Variants in EVI5 observed in about 807,000 individuals in gnomAD.
EVI5 encodes the protein ecotropic viral integration site 5.
Under a neutral mutation model 112.0 loss-of-function variants are expected in EVI5, and 73 were observed. The ratio of observed to expected loss-of-function variants is 0.65; its 90% CI spans 0.54 to 0.79. The LOEUF (loss-of-function observed/expected upper bound fraction) is 0.79. EVI5 is among the 30% of genes least tolerant of loss of function. The pLI, the probability that EVI5 is intolerant of heterozygous loss-of-function variation, is 0.00. For missense variants in EVI5, 900 were observed against 968.8 expected, an observed-to-expected ratio of 0.93 and a Z score of 0.94; for synonymous variants, 305 against 319.9, an observed-to-expected ratio of 0.95 and a Z score of 0.50.
At position 92,680,253 on chromosome 1, in the gene EVI5, G is replaced by A. The variant is rs139357707; in HGVS notation, c.1098-3035C>T. 9.9e-5 allele frequency among the ~76,000 whole-genome samples: 15 copies of A among 152,244 alleles called. No homozygotes were observed. The East Asian group carries it at 1.7e-3, about 18-fold the overall frequency. On this transcript the variant is annotated intron_variant, in intron 9 of 19. Transcript: ENST00000684568. ...CTCTGGAGAAATAGCTCATTACTGCGCAGGAGCCAAGAAGGTATAAGTTGA... is the reference window on the plus strand; with the variant it reads ...CTCTGGAGAAATAGCTCATTACTGCACAGGAGCCAAGAAGGTATAAGTTGA...
At chr1:92,547,555 C>T (rs1426313690) in intron 19 of EVI5, among the ~76,000 whole-genome samples, 1 of 152,080 alleles carries the variant, frequency 6.6e-6, no homozygotes, top group Admixed American at 6.6e-5. Flanking sequence ...TCAATGAATC[C>T]AGGAGCTGTT....
At chr1:92,738,215 C>G (rs1024481433) in intron 1 of EVI5, among the ~76,000 whole-genome samples, 3 of 152,144 alleles carry the variant, frequency 2.0e-5, no homozygotes, top group African/African-American at 7.2e-5. Flanking sequence ...ATAGTAGGCA[C>G]TAAGATAGCC....
intron 18 of EVI5, among the ~76,000 whole-genome samples, chr1:92,595,584 CT>C (rs1452950145): frequency 1.3e-5 from 2 of 151,946 alleles, no homozygotes; most frequent in Non-Finnish European, 2.9e-5. Flanking sequence ...GAAAAGCTGA[CT>C]TTTGAAATAA....
chr1:92,626,812 AC>A (rs1160855152), intron 14 of EVI5, among the ~76,000 whole-genome samples: 1 of 152,170 alleles, frequency 6.6e-6, no homozygotes, highest in African/African-American at 2.4e-5. Flanking sequence ...AACATCATTT[AC>A]TTTTTAAATA....
At chr1:92,758,218 G>A (rs939096128) in intron 1 of EVI5, among the ~76,000 whole-genome samples, 3 of 152,120 alleles carry the variant, frequency 2.0e-5, no homozygotes, top group African/African-American at 4.8e-5. Flanking sequence ...CTACTTTAGC[G>A]ACTTCTGTAT....
chr1:92,702,071 T>C (rs1360317300), intron 5 of EVI5, 70 bp downstream of exon 5: 1 of 745,480 alleles, frequency 1.3e-6, no homozygotes, highest in Non-Finnish European at 2.2e-6. Context: ...AAAACAAAGA[T>C]GCTTTTTAAA....
chr1:92,683,926 T>C (rs962441395), intron 9 of EVI5, among the ~76,000 whole-genome samples: 13 of 152,186 alleles, frequency 8.5e-5, no homozygotes, highest in Non-Finnish European at 5.9e-5. Flanking sequence ...ATACATTTGA[T>C]TGTTGTACCA....
At chr1:92,762,274 C>T (rs905197055) in intron 1 of EVI5, among the ~76,000 whole-genome samples, 7 of 152,162 alleles carry the variant, frequency 4.6e-5, no homozygotes, top group African/African-American at 1.7e-4. Flanking sequence ...TTTCAGGAAA[C>T]AAAACATGTA....
intron 19 of EVI5, among the ~76,000 whole-genome samples, chr1:92,522,622 C>A (rs1238622688): frequency 1.2e-5 from 1 of 82,852 alleles, no homozygotes; most frequent in African/African-American, 5.5e-5. Flanking sequence ...CAGAGCAAGA[C>A]TCCATCTCCA....
At chr1:92,731,261 C>G (rs1676417948) in intron 2 of EVI5, among the ~76,000 whole-genome samples, 1 of 152,068 alleles carries the variant, frequency 6.6e-6, no homozygotes, top group Non-Finnish European at 1.5e-5. Flanking sequence ...AGGCAGAGGT[C>G]ACAGTGAGCA....
intron 18 of EVI5, among the ~76,000 whole-genome samples, chr1:92,581,928 G>A (rs1399361398): frequency 2.0e-5 from 3 of 152,138 alleles, no homozygotes; most frequent in Non-Finnish European, 4.4e-5. Context: ...GATATGCCAG[G>A]CACCAGGCAT....
At chr1:92,650,463 G>C (rs898209660) in intron 13 of EVI5, among the ~76,000 whole-genome samples, 2 of 22,560 alleles carry the variant, frequency 8.9e-5, no homozygotes, top group Admixed American at 1.1e-3. Flanking sequence ...ACTGTGAATG[G>C]ACTTTTTTTC....
At chr1:92,665,042 C>A (rs1558025465) in intron 11 of EVI5, among the ~76,000 whole-genome samples, 1 of 151,752 alleles carries the variant, frequency 6.6e-6, no homozygotes. Flanking sequence ...CTGTCTCTAC[C>A]AAAAATACAA....
intron 10 of EVI5, among the ~76,000 whole-genome samples, chr1:92,674,436 C>T (rs542839305): frequency 6.6e-6 from 1 of 152,070 alleles, no homozygotes; most frequent in African/African-American, 2.4e-5. Flanking sequence ...AACACAGGAA[C>T]AGAATACCAA....
At chr1:92,738,364 C>T (rs890678884) in intron 1 of EVI5, among the ~76,000 whole-genome samples, 11 of 151,854 alleles carry the variant, frequency 7.2e-5, no homozygotes, top group Admixed American at 1.3e-4. Context: ...TACAGAAAAA[C>T]GGAAGAAAAC....
intron 11 of EVI5, 89 bp downstream of exon 11, chr1:92,665,850 T>A: frequency 1.2e-6 from 1 of 862,042 alleles, no homozygotes; most frequent in Non-Finnish European, 1.9e-6. Flanking sequence ...ATAGGAGACA[T>A]GTGCCAGAAT....
Position 92,770,782 on chromosome 1 carries a change from T to G in EVI5, c.-82+14054A>C, listed in dbSNP as rs556700075. The stretch of plus-strand genomic sequence containing the variant: ...TCCAGCCTGGGCGACAGAGCGGGAC[T>G]CCATCTCAAAAAAAAGAAAAAGAAA... On this transcript the variant is annotated intron_variant, in intron 1 of 19. Coordinates refer to ENST00000684568, the MANE Select transcript of EVI5 (RefSeq NM_001350197.2). 5.0e-3 allele frequency among the ~76,000 whole-genome samples: 752 copies of G among 151,844 alleles called. 6 individuals are homozygous for G. The highest frequency in any genetic ancestry group is 7.9e-3 in the Admixed American group (120 of 15,256).
intron 19 of EVI5, among the ~76,000 whole-genome samples, chr1:92,549,144 A>C (rs1240927999): frequency 6.6e-6 from 1 of 152,094 alleles, no homozygotes; most frequent in Non-Finnish European, 1.5e-5. Context: ...TGGTACCAAA[A>C]CAGAGATATA....
At chr1:92,692,432 C>T (rs1012021448) in intron 9 of EVI5, among the ~76,000 whole-genome samples, 1 of 152,182 alleles carries the variant, frequency 6.6e-6, no homozygotes, top group Non-Finnish European at 1.5e-5. Flanking sequence ...TATATGATGT[C>T]TCCACACATG....
Sources: gnomAD v4.1 joint callset for allele counts (sites outside exome capture counted in the v4.1 genomes callset) on GRCh38, gnomAD v4.1.1 for gene constraint, MANE v1.5 for transcripts, NCBI Gene and HGNC (gene_info 2026-07-23, HGNC 2026-07-21) for gene names.